STARD13: variants seen among roughly 807,000 people sequenced by gnomAD.
STARD13 encodes the protein StAR related lipid transfer domain containing 13.
In STARD13, 62 loss-of-function variants were observed where a neutral mutation model predicts 106.4. The ratio of observed to expected loss-of-function variants is 0.58; its 90% CI spans 0.48 to 0.72. The LOEUF is 0.72. STARD13 is among the 30% of genes least tolerant of loss of function. The pLI, the probability that STARD13 is intolerant of heterozygous loss-of-function variation, is 0.00. For missense variants in STARD13, 1,387 were observed against 1,424.0 expected, an observed-to-expected ratio of 0.97 and a Z score of 0.42; for synonymous variants, 565 against 553.0, an observed-to-expected ratio of 1.02 and a Z score of -0.31.
intron 1 of STARD13, among the ~76,000 whole-genome samples, chr13:33,338,840 G>A (rs1302060276): frequency 3.4e-5 from 5 of 148,844 alleles, no homozygotes; most frequent in East Asian, 2.0e-4. Context: ...AGCTGAGATC[G>A]CGGCACTGCA....
chr13:33,385,864 C>CAAAAAAAAAAAAAAAAAA, the STARD13 span, among the ~76,000 whole-genome samples: 1 of 124,018 alleles, frequency 8.1e-6, no homozygotes, highest in African/African-American at 2.9e-5. Flanking sequence ...AAAAAAAAAA[C>CAAAAAAAAAAAAAAAAAA]AAAAAAAAAA....
At chr13:33,474,598 A>G in the STARD13 span, among the ~76,000 whole-genome samples, 60 of 151,530 alleles carry the variant, frequency 4.0e-4, no homozygotes, top group East Asian at 5.9e-4. Flanking sequence ...TCTCTAATAT[A>G]CCAGCTGGCT....
At chr13:33,142,029 G>A (rs1444532444) in intron 4 of STARD13, among the ~76,000 whole-genome samples, 2 of 152,110 alleles carry the variant, frequency 1.3e-5, no homozygotes, top group Admixed American at 6.5e-5. Context: ...TTAGGTTCAC[G>A]TTGCTTTTTT....
chr13:33,287,673 G>A (rs1019288860), upstream of STARD13, among the ~76,000 whole-genome samples: 1 of 152,188 alleles, frequency 6.6e-6, no homozygotes, highest in Admixed American at 6.5e-5. Context: ...AGCTCAGTCC[G>A]CACCGGTGGC....
At chr13:33,535,668 C>T in the STARD13 span, among the ~76,000 whole-genome samples, 1 of 152,174 alleles carries the variant, frequency 6.6e-6, no homozygotes, top group East Asian at 1.9e-4. Context: ...CCAAGGTCAA[C>T]TTTATTTTGA....
intron 1 of STARD13, among the ~76,000 whole-genome samples, chr13:33,283,058 T>C (rs770993968): frequency 6.6e-6 from 1 of 152,078 alleles, no homozygotes. Flanking sequence ...AAGCTTTTAG[T>C]AAAATAACTT....
chr13:33,554,089 A>C, the STARD13 span, among the ~76,000 whole-genome samples: 27 of 152,228 alleles, frequency 1.8e-4, no homozygotes, highest in African/African-American at 6.0e-4. Flanking sequence ...ACCATTGGGT[A>C]TCTGGCCTAA....
At chr13:33,665,574 T>C in the STARD13 span, among the ~76,000 whole-genome samples, 1 of 152,212 alleles carries the variant, frequency 6.6e-6, no homozygotes, top group Non-Finnish European at 1.5e-5. Context: ...CTGGTTAATT[T>C]TGATGGAAAG....
At chr13:33,356,322 T>C in the STARD13 span, among the ~76,000 whole-genome samples, 17 of 152,338 alleles carry the variant, frequency 1.1e-4, no homozygotes, top group Non-Finnish European at 2.2e-4. Context: ...GTTATGACTG[T>C]CTTAGTATAC....
At chr13:33,267,903 T>G (rs1446950814) in intron 1 of STARD13, among the ~76,000 whole-genome samples, 1 of 152,190 alleles carries the variant, frequency 6.6e-6, no homozygotes, top group East Asian at 1.9e-4. Context: ...GTCCCAGGCT[T>G]CTTCTGGGCT....
chr13:33,550,475 A>G, the STARD13 span, among the ~76,000 whole-genome samples: 1 of 152,214 alleles, frequency 6.6e-6, no homozygotes, highest in African/African-American at 2.4e-5. Flanking sequence ...TAATGCCGAA[A>G]CAGTGATGTT....
the STARD13 span, among the ~76,000 whole-genome samples, chr13:33,443,888 C>CA: frequency 0.033 from 1,614 of 49,192 alleles, 33 homozygotes; most frequent in Non-Finnish European, 0.048. Flanking sequence ...GACTCAGTCT[C>CA]AAAAAAAAAA....
chr13:33,272,583 T>G (rs1489924266), intron 1 of STARD13: 1 of 152,192 alleles, frequency 6.6e-6, no homozygotes, highest in Admixed American at 6.5e-5. Flanking sequence ...CATGGGTGAT[T>G]CAGTGGAAAT....
At chr13:33,427,621 C>T in the STARD13 span, among the ~76,000 whole-genome samples, 1 of 152,094 alleles carries the variant, frequency 6.6e-6, no homozygotes, top group South Asian at 2.1e-4. Flanking sequence ...TAGTTATATA[C>T]AGGTATTGAG....
chr13:33,552,647 C>T, the STARD13 span, among the ~76,000 whole-genome samples: 1 of 152,210 alleles, frequency 6.6e-6, no homozygotes, highest in Middle Eastern at 3.4e-3. Context: ...AGCACATTCA[C>T]TATAGCAACA....
At chr13:33,114,667 G>A (rs1156506347) in intron 8 of STARD13, among the ~76,000 whole-genome samples, 2 of 152,146 alleles carry the variant, frequency 1.3e-5, no homozygotes, top group Non-Finnish European at 2.9e-5. Flanking sequence ...GGTGTCCAGT[G>A]TGTATACATT....
intron 4 of STARD13, among the ~76,000 whole-genome samples, chr13:33,136,077 C>G (rs537188328): frequency 6.6e-6 from 1 of 151,720 alleles, no homozygotes; most frequent in Non-Finnish European, 1.5e-5. Flanking sequence ...GCTGAGTTTG[C>G]GCCACTGCAC....
At chr13:33,133,303 G>T (rs12584696) in intron 4 of STARD13, among the ~76,000 whole-genome samples, 1,808 of 152,168 alleles carry the variant, frequency 0.012, 48 homozygotes, top group South Asian at 0.075. Flanking sequence ...TACTCACTTT[G>T]GCCAACAGGA....
the STARD13 span, among the ~76,000 whole-genome samples, chr13:33,417,714 G>C: frequency 6.6e-6 from 1 of 152,104 alleles, no homozygotes; most frequent in Non-Finnish European, 1.5e-5. Flanking sequence ...TTCAGAATAG[G>C]CAAATCCGTA....
Sources: allele counts gnomAD v4.1 joint callset (sites outside exome capture counted in the v4.1 genomes callset), GRCh38; gene constraint gnomAD v4.1.1; transcripts MANE v1.5; gene names NCBI Gene and HGNC (gene_info 2026-07-23, HGNC 2026-07-21).